PCDHGA11: variants seen among roughly 807,000 people sequenced by gnomAD.
The protein encoded by PCDHGA11 is protocadherin gamma-A11.
Under a neutral mutation model 60.4 loss-of-function variants are expected in PCDHGA11, and 39 were observed. The observed-to-expected ratio is 0.65, with a 90% CI of 0.50 to 0.84. The LOEUF is 0.84. Among genes scored for constraint, PCDHGA11 ranks in the 40% least tolerant of loss-of-function variants. PCDHGA11 has a pLI of 0.00. For missense variants in PCDHGA11, 1,165 were observed against 1,197.7 expected (o/e 0.97, Z 0.40); for synonymous variants, 533 against 510.3 (o/e 1.04, Z -0.60).
intron 1 of PCDHGA11, chr5:141,478,148 C>A: frequency 6.2e-7 from 1 of 1,614,066 alleles, no homozygotes; most frequent in Non-Finnish European, 8.5e-7. Flanking sequence ...AGCCGAGTTC[C>A]CCTCTGGCTC....
intron 1 of PCDHGA11, among the ~76,000 whole-genome samples, chr5:141,452,114 A>C (rs1443131264): frequency 1.3e-5 from 2 of 152,098 alleles, no homozygotes; most frequent in Admixed American, 1.3e-4. Flanking sequence ...TTCTCTTCTT[A>C]TTTATTCATA....
chr5:141,422,594 C>G lies in PCDHGA11; in HGVS notation c.1367C>G (p.Ser456Cys). The G allele has an allele frequency of 6.2e-7, 1 of 1,614,090 alleles. No homozygotes were observed. Among genetic ancestry groups the G allele is most frequent in the Non-Finnish European group, 8.5e-7 (1 of 1,179,994 alleles). The change falls in exon 1 of 4, where the codon TCC becomes TGC. Residue 456 changes from serine to cysteine, a missense_variant. Ser to Cys is a moderately radical substitution (Grantham distance 112). Transcript: ENST00000398587. ...DNDNPPVFPH[S>C]SYSAYIPENN... The stretch of plus-strand genomic sequence containing the variant: ...GATAACCCTCCCGTTTTTCCTCACT[C>G]CTCTTACTCTGCCTACATTCCCGAA...
In PCDHGA11 at chr5:141,475,486, T is replaced by C. The variant is rs576743657; in HGVS notation, c.2434-19321T>C. Among the ~76,000 whole-genome samples, 14 of 152,370 alleles carry C rather than the reference T, an allele frequency of 9.2e-5. No homozygotes were observed. In the East Asian group the frequency reaches 2.7e-3, roughly 29 times the overall value. On this transcript the variant is annotated intron_variant, in intron 1 of 3. Transcript: ENST00000398587. ...AATGCTAATTTCATTTGGTAAGAGA[T>C]AAAACTGAAATTATTAATGTCTCCA...
intron 1 of PCDHGA11, among the ~76,000 whole-genome samples, chr5:141,425,103 A>G (rs894147422): frequency 1.3e-5 from 2 of 152,202 alleles, no homozygotes; most frequent in Non-Finnish European, 2.9e-5. Flanking sequence ...CTTCCAACAG[A>G]TGCCTACATT....
chr5:141,502,331 G>C lies in PCDHGA11; in HGVS notation c.2493-3062G>C, dbSNP rs555959890. ...TCCTTTAATCTGGAGCCAGCTCCCA[G>C]TCTTTTTATTTTTTTAATGACATGG... On this transcript the variant is annotated intron_variant, in intron 2 of 3. Transcript: ENST00000398587. Among the ~76,000 whole-genome samples, 42 of 152,102 alleles carry C rather than the reference G, an allele frequency of 2.8e-4. No individual in the cohort carries two copies. The South Asian group carries it at 6.2e-3, about 23-fold the overall frequency.
rs1257565821 is a variant in PCDHGA11, at chr5:141,487,319, C to G, written c.2434-7488C>G. ...ATTCGTGGCACTACTCTCTAAGTGTCTTCGTGGGGCAGCCTGTGGAGTCAC... is the reference window on the plus strand; with the variant it reads ...ATTCGTGGCACTACTCTCTAAGTGTGTTCGTGGGGCAGCCTGTGGAGTCAC... On this transcript the variant is annotated intron_variant, in intron 1 of 3. Transcript: ENST00000398587. The surrounding 1 kb of genome is among the most constrained non-coding windows in gnomAD (Gnocchi z 5.0). The G allele has an allele frequency of 6.2e-7, 1 of 1,614,052 alleles. No homozygotes were observed. The highest frequency in any genetic ancestry group is 1.3e-5 in the African/African-American group (1 of 74,930).
intron 1 of PCDHGA11, among the ~76,000 whole-genome samples, chr5:141,444,982 A>G (rs10066383): frequency 7.1e-4 from 108 of 152,272 alleles, no homozygotes; most frequent in African/African-American, 2.5e-3. Flanking sequence ...ATCCATGAAC[A>G]TGGTATATAT....
chr5:141,461,255 G>A (rs1466460215), intron 1 of PCDHGA11, among the ~76,000 whole-genome samples: 1 of 152,098 alleles, frequency 6.6e-6, no homozygotes. Flanking sequence ...ATTCCCAGCA[G>A]CAATGTGTAA....
chr5:141,428,029 C>T (rs775747505), intron 1 of PCDHGA11: 1 of 1,607,160 alleles, frequency 6.2e-7, no homozygotes, highest in Non-Finnish European at 8.5e-7. Flanking sequence ...GCCGCAGAGT[C>T]CGGCTACCTG....
intron 1 of PCDHGA11, 191 bp downstream of exon 1, chr5:141,423,851 C>T (rs1311833319): frequency 7.8e-6 from 10 of 1,275,940 alleles, no homozygotes; most frequent in African/African-American, 1.6e-5. Flanking sequence ...TCTTTCAGAA[C>T]GTTTTTGTGA....
intron 2 of PCDHGA11, 119 bp from the exon 3 acceptor site, chr5:141,505,274 C>T: frequency 6.6e-7 from 1 of 1,524,344 alleles, no homozygotes; most frequent in East Asian, 2.3e-5. Flanking sequence ...CTGAGAGAAA[C>T]AGGTCTTGGG....
At position 141,425,978 on chromosome 5, in the gene PCDHGA11, A is replaced by T. The variant is rs182438141; in HGVS notation, c.2433+2318A>T. Among the ~76,000 whole-genome samples the T allele has an allele frequency of 3.9e-3, 592 of 152,340 alleles. 5 individuals carry two copies. Among genetic ancestry groups the T allele is most frequent in the African/African-American group, 0.014 (563 of 41,588 alleles). ...AGTCCAACACATCAGTCTAATTCTG[A>T]ATCCCATTGAATTAGCAAAGGCTTC... On this transcript the variant is annotated intron_variant, in intron 1 of 3. Coordinates refer to ENST00000398587, the MANE Select transcript of PCDHGA11 (RefSeq NM_018914.3).
rs145569377 is a variant in PCDHGA11 at position 141,455,860 on chromosome 5, ATTATTTATTTATTTAT to A, written c.2433+32239_2433+32254del. Among the ~76,000 whole-genome samples, 551 of 139,848 alleles carry A rather than the reference ATTATTTATTTATTTAT, an allele frequency of 3.9e-3. 2 individuals carry two copies. The highest frequency in any genetic ancestry group is 9.7e-3 in the South Asian group (42 of 4,344). The allele number at this position is 139,848 out of a possible 152,430, so 91.7% of individuals were successfully genotyped here. ...CTATCTGCATAAAATAATTTCTTTTATTATTTATTTATTTATTTATTTATTTATTTATTTATTTATT... is the reference window on the plus strand; with the variant it reads ...CTATCTGCATAAAATAATTTCTTTTATTATTTATTTATTTATTTATTTATT... On this transcript the variant is annotated intron_variant, in intron 1 of 3. Transcript: ENST00000398587.
At chr5:141,437,312 G>T (rs2097875410) in intron 1 of PCDHGA11, among the ~76,000 whole-genome samples, 1 of 152,176 alleles carries the variant, frequency 6.6e-6, no homozygotes, top group South Asian at 2.1e-4. Context: ...AAAGCGTTCA[G>T]CTATAATTTA....
chr5:141,470,870 G>GT (rs1230952624), intron 1 of PCDHGA11, among the ~76,000 whole-genome samples: 1 of 151,546 alleles, frequency 6.6e-6, no homozygotes, highest in Non-Finnish European at 1.5e-5. Context: ...TTGTTTGTTT[G>GT]TTTTTTTGTT....
At chr5:141,428,220 C>T (rs1228544858) in intron 1 of PCDHGA11, 1 of 1,178,786 alleles carries the variant, frequency 8.5e-7, no homozygotes. Flanking sequence ...ACCTAGTCTT[C>T]GCAGACAGCC....
At position 141,486,408 on chromosome 5, in the gene PCDHGA11, C is replaced by G; in HGVS notation, c.2434-8399C>G. The G allele has an allele frequency of 1.2e-6, 2 of 1,614,156 alleles. No homozygotes were observed. The highest frequency in any genetic ancestry group is 1.7e-6 in the Non-Finnish European group (2 of 1,180,014). Reference sequence around the variant, plus strand: ...CAGTTCTCCCTGGTGACTGCTGGACCCTTGGATCGAGAGGCCAAATCTAGC... The same window carrying G: ...CAGTTCTCCCTGGTGACTGCTGGACGCTTGGATCGAGAGGCCAAATCTAGC... On this transcript the variant is annotated intron_variant, in intron 1 of 3. Transcript: ENST00000398587. This position sits in a 1 kb window ranked among gnomAD's most constrained non-coding sequence, Gnocchi z 5.0.
intron 1 of PCDHGA11, among the ~76,000 whole-genome samples, chr5:141,436,781 A>T (rs1041532929): frequency 6.6e-6 from 1 of 152,236 alleles, no homozygotes; most frequent in Non-Finnish European, 1.5e-5. Context: ...TGTGGATGGA[A>T]ATAAAACTGT....
intron 1 of PCDHGA11, among the ~76,000 whole-genome samples, chr5:141,457,517 TTAA>T (rs1261688593): frequency 6.6e-6 from 1 of 152,196 alleles, no homozygotes; most frequent in Non-Finnish European, 1.5e-5. Flanking sequence ...TTAAAAACAA[TTAA>T]TGAGACTAGG....
Sources: allele counts gnomAD v4.1 joint callset (sites outside exome capture counted in the v4.1 genomes callset), GRCh38; gene constraint gnomAD v4.1.1; non-coding constraint Gnocchi (gnomAD v3.1); transcripts MANE v1.5; gene names NCBI Gene and HGNC (gene_info 2026-07-23, HGNC 2026-07-21).